DLG2: variants seen among roughly 807,000 people sequenced by gnomAD.
The protein encoded by DLG2 is discs large MAGUK scaffold protein 2.
DLG2 carries 45 observed loss-of-function variants against 132.5 expected under a neutral mutation model. That is an observed-to-expected ratio of 0.34 (90% CI 0.27 to 0.44). DLG2 has a LOEUF of 0.44. Ranked by LOEUF, DLG2 falls within the 20% of genes least tolerant of loss-of-function variation. The pLI is 1.00. For missense variants in DLG2, 1,045 were observed against 1,196.9 expected (o/e 0.87, Z 1.87); for synonymous variants, 424 against 419.6 (o/e 1.01, Z -0.13).
At chr11:85,416,563 C>T (rs2089870699) in intron 3 of DLG2, among the ~76,000 whole-genome samples, 1 of 152,148 alleles carries the variant, frequency 6.6e-6, no homozygotes, top group African/African-American at 2.4e-5. Flanking sequence ...ATTGATTCTT[C>T]CTATCCATCA....
intron 10 of DLG2, among the ~76,000 whole-genome samples, chr11:84,097,605 T>G (rs538495423): frequency 8.5e-5 from 13 of 152,174 alleles, no homozygotes; most frequent in Non-Finnish European, 1.6e-4. Context: ...CATTAACAAG[T>G]GTCATAAATA....
Position 83,677,467 on chromosome 11 carries a change from C to A in DLG2, c.1826-44142G>T, listed in dbSNP as rs576957154. Among the ~76,000 whole-genome samples, 4 of 152,260 alleles carry A rather than the reference C, an allele frequency of 2.6e-5. No individual in the cohort carries two copies. The South Asian group carries it at 8.3e-4, about 32-fold the overall frequency. On this transcript the variant is annotated intron_variant, in intron 18 of 27. Transcript: ENST00000376104. ...CTAATACTGGGAAATAAAGTTATCTCATTTACATCTTCCCAACTTCCTGAG... is the reference window on the plus strand; with the variant it reads ...CTAATACTGGGAAATAAAGTTATCTAATTTACATCTTCCCAACTTCCTGAG...
chr11:84,298,464 A>T (rs2098117665), intron 7 of DLG2, among the ~76,000 whole-genome samples: 3 of 152,146 alleles, frequency 2.0e-5, no homozygotes, highest in African/African-American at 7.2e-5. Flanking sequence ...CGCCTTGCCA[A>T]ATATAACACT....
chr11:85,549,066 G>A (rs1191074474), intron 3 of DLG2, among the ~76,000 whole-genome samples: 1 of 152,176 alleles, frequency 6.6e-6, no homozygotes, highest in Non-Finnish European at 1.5e-5. Context: ...CTAGTTCAGA[G>A]TCCGCCAAAA....
chr11:85,204,915 A>T (rs1011914974), intron 4 of DLG2, among the ~76,000 whole-genome samples: 4 of 152,138 alleles, frequency 2.6e-5, no homozygotes, highest in African/African-American at 9.7e-5. Context: ...AAAGGTGTCA[A>T]GAAAATGCAT....
At chr11:84,575,146 C>T (rs1398415589) in intron 6 of DLG2, among the ~76,000 whole-genome samples, 1 of 152,164 alleles carries the variant, frequency 6.6e-6, no homozygotes, top group South Asian at 2.1e-4. Context: ...CAGATCTTAT[C>T]ACCGGCTTTG....
intron 18 of DLG2, among the ~76,000 whole-genome samples, chr11:83,714,786 C>T (rs2086300521): frequency 6.6e-6 from 1 of 152,140 alleles, no homozygotes; most frequent in Non-Finnish European, 1.5e-5. Flanking sequence ...AGGTTTGTTA[C>T]ATAGGTACAC....
chr11:84,482,825 C>T (rs922612749), intron 7 of DLG2, among the ~76,000 whole-genome samples: 4 of 151,986 alleles, frequency 2.6e-5, no homozygotes, highest in Non-Finnish European at 5.9e-5. Context: ...TTTAAGACTG[C>T]TGAATGTCTG....
intron 6 of DLG2, among the ~76,000 whole-genome samples, chr11:84,818,906 GTCATGT>G (rs936615936): frequency 1.4e-5 from 2 of 145,038 alleles, no homozygotes; most frequent in Non-Finnish European, 3.1e-5. Context: ...GGATGAGACT[GTCATGT>G]TCATAATTTC....
At position 85,154,549 on chromosome 11, in the gene DLG2, C is replaced by CA; in HGVS notation, c.282+6dup. The CA allele has an allele frequency of 7.3e-7, 1 of 1,369,460 alleles. No individual in the cohort carries two copies. The highest frequency in any genetic ancestry group is 1.0e-6 in the Non-Finnish European group (1 of 984,880). The allele number at this position is 1,369,460 out of a possible 1,614,324, so 84.8% of individuals were successfully genotyped here. ...CTAGTAAGAAAAGAAAACAGTATAA[C>CA]ACTTACAGTTGTCGTCTCATCAGTT... On this transcript the variant is annotated splice_region_variant and intron_variant, in intron 5 of 27. Transcript: ENST00000376104.
At chr11:84,500,459 C>A (rs1308491759) in intron 7 of DLG2, among the ~76,000 whole-genome samples, 2 of 151,772 alleles carry the variant, frequency 1.3e-5, no homozygotes, top group African/African-American at 4.8e-5. Flanking sequence ...CATTATAAAA[C>A]TAGGTTCAAC....
chr11:85,486,038 C>T (rs963984505), intron 3 of DLG2, among the ~76,000 whole-genome samples: 23 of 152,236 alleles, frequency 1.5e-4, no homozygotes, highest in African/African-American at 5.5e-4. Context: ...CTCCTCATGT[C>T]TACTTGCCCA....
chr11:83,637,793 C>A (rs1182423063), intron 18 of DLG2, among the ~76,000 whole-genome samples: 2 of 152,102 alleles, frequency 1.3e-5, no homozygotes, highest in Non-Finnish European at 2.9e-5. Context: ...TACTTGGAGA[C>A]TTGGGATGCC....
chr11:84,290,827 A>G (rs1327695691), intron 7 of DLG2, among the ~76,000 whole-genome samples: 2 of 152,146 alleles, frequency 1.3e-5, no homozygotes, highest in African/African-American at 4.8e-5. Context: ...TAAAAAAGCA[A>G]GGTTTTAATG....
intron 15 of DLG2, among the ~76,000 whole-genome samples, chr11:83,886,414 T>C (rs2067912698): frequency 6.6e-6 from 1 of 152,338 alleles, no homozygotes; most frequent in African/African-American, 2.4e-5. Flanking sequence ...AAAATGTACA[T>C]GCACCCAATA....
intron 6 of DLG2, among the ~76,000 whole-genome samples, chr11:84,837,074 T>C (rs954411624): frequency 2.0e-5 from 3 of 151,832 alleles, no homozygotes; most frequent in Admixed American, 6.6e-5. Context: ...TGTGTTCTCA[T>C]TGTTCAATTC....
chr11:83,999,693 C>T (rs1179155976), intron 11 of DLG2, among the ~76,000 whole-genome samples: 3 of 152,178 alleles, frequency 2.0e-5, no homozygotes, highest in African/African-American at 7.2e-5. Flanking sequence ...AGTAGAACTT[C>T]ATCGTATCCT....
At chr11:84,066,182 A>G (rs905342314) in intron 10 of DLG2, among the ~76,000 whole-genome samples, 6 of 152,148 alleles carry the variant, frequency 3.9e-5, no homozygotes, top group Non-Finnish European at 7.4e-5. Context: ...CAATTCACCT[A>G]TATAACAAAC....
At position 84,598,776 on chromosome 11, in the gene DLG2, T is replaced by C. The variant is rs1222230372; in HGVS notation, c.358-64045A>G. Among the ~76,000 whole-genome samples, 3 of 149,612 alleles carry C rather than the reference T, an allele frequency of 2.0e-5. No individual in the cohort carries two copies. The South Asian group carries it at 6.4e-4, about 32-fold the overall frequency. The stretch of plus-strand genomic sequence containing the variant: ...ACCCATCTATGAAAAAAGAAAAACA[T>C]TAAAAAAAAAAAAATTTAGCCGGGC... On this transcript the variant is annotated intron_variant, in intron 6 of 27. Coordinates refer to ENST00000376104, the MANE Select transcript of DLG2 (RefSeq NM_001142699.3).
Sources: gnomAD v4.1 joint callset for allele counts (sites outside exome capture counted in the v4.1 genomes callset) on GRCh38, gnomAD v4.1.1 for gene constraint, MANE v1.5 for transcripts, NCBI Gene and HGNC (gene_info 2026-07-23, HGNC 2026-07-21) for gene names.